The following NUDT9 variants were observed in gnomAD, a reference collection of about 807,000 sequenced individuals.
NUDT9 encodes the protein nudix hydrolase 9, also known as ADP-ribose pyrophosphatase.
Under a neutral mutation model 41.0 loss-of-function variants are expected in NUDT9, and 31 were observed. The ratio of observed to expected loss-of-function variants is 0.76; its 90% CI spans 0.57 to 1.02. NUDT9 has a LOEUF of 1.02. Among genes scored for constraint, NUDT9 ranks in the 50% least tolerant of loss-of-function variants. The pLI is 0.00. For missense variants in NUDT9, 380 were observed against 431.4 expected, an observed-to-expected ratio of 0.88 and a Z score of 1.06; for synonymous variants, 146 against 147.6, an observed-to-expected ratio of 0.99 and a Z score of 0.08.
At chr4:87,430,843 A>G (rs1302341445) in intron 1 of NUDT9, among the ~76,000 whole-genome samples, 3 of 152,140 alleles carry the variant, frequency 2.0e-5, no homozygotes, top group Non-Finnish European at 2.9e-5. Context: ...ACCCCTTATC[A>G]GACATGTGAT....
rs755137749 is a variant in NUDT9, at chr4:87,457,832, T to G, written c.875-11T>G. The G allele has an allele frequency of 6.2e-7, 1 of 1,605,668 alleles. No homozygotes were observed. Among genetic ancestry groups the G allele is most frequent in the South Asian group, 1.1e-5 (1 of 89,272 alleles). On this transcript the variant is annotated splice_polypyrimidine_tract_variant and intron_variant, in intron 7 of 7. Transcript: ENST00000302174. ...AGTTTTTCTTGGTGATGGTTTTTCTTTGGCAACCAGGTGAGATAATGGATA... is the reference window on the plus strand; with the variant it reads ...AGTTTTTCTTGGTGATGGTTTTTCTGTGGCAACCAGGTGAGATAATGGATA...
intron 1 of NUDT9, 101 bp from the exon 2 acceptor site, chr4:87,434,880 A>G (rs902255793): frequency 3.9e-6 from 4 of 1,020,748 alleles, no homozygotes; most frequent in African/African-American, 3.2e-5. Flanking sequence ...CGGCCTCACA[A>G]AGTGCTGGGA....
intron 4 of NUDT9, 89 bp downstream of exon 4, chr4:87,442,004 C>T: frequency 3.6e-6 from 3 of 825,020 alleles, no homozygotes; most frequent in South Asian, 3.6e-5. Flanking sequence ...TATATGTATA[C>T]CTGTGTGTAT....
chr4:87,440,585 C>T (rs985169123), intron 3 of NUDT9, among the ~76,000 whole-genome samples: 2 of 152,134 alleles, frequency 1.3e-5, no homozygotes, highest in Admixed American at 6.5e-5. Context: ...TGGTGGCTCA[C>T]GCCTGTAATC....
In NUDT9 at chr4:87,431,882, C is replaced by T. The variant is rs145283532; in HGVS notation, c.108-3099C>T. On this transcript the variant is annotated intron_variant, in intron 1 of 7. Transcript: ENST00000302174. ...TGTATTTTTAGTAGAGACAGGGTTTCGCCATGTTGGCCGGGCTGGTCTTGA... is the reference window on the plus strand; with the variant it reads ...TGTATTTTTAGTAGAGACAGGGTTTTGCCATGTTGGCCGGGCTGGTCTTGA... Among the ~76,000 whole-genome samples, 145 of 152,222 alleles carry T rather than the reference C, an allele frequency of 9.5e-4. 1 individual carries two copies. In the East Asian group the frequency reaches 0.022, roughly 24 times the overall value.
intron 5 of NUDT9, among the ~76,000 whole-genome samples, chr4:87,449,572 A>G (rs1211299368): frequency 6.6e-6 from 1 of 152,176 alleles, no homozygotes; most frequent in East Asian, 1.9e-4. Flanking sequence ...TTTAAAATAA[A>G]GAGATCTACT....
chr4:87,456,332 C>T (rs1722989597), intron 7 of NUDT9, among the ~76,000 whole-genome samples: 1 of 152,194 alleles, frequency 6.6e-6, no homozygotes. Context: ...AGCTTCCCTC[C>T]TTCCTCCCCA....
chr4:87,452,598 A>C (rs1191061098), intron 6 of NUDT9, among the ~76,000 whole-genome samples: 2 of 151,344 alleles, frequency 1.3e-5, no homozygotes, highest in African/African-American at 2.4e-5. Flanking sequence ...CCACAGGCAA[A>C]CACCACCGCA....
chr4:87,437,268 A>G (rs1721980884), intron 2 of NUDT9, among the ~76,000 whole-genome samples: 1 of 130,992 alleles, frequency 7.6e-6, no homozygotes, highest in East Asian at 2.2e-4. Context: ...AAAAAAAAAA[A>G]GAAAGAAAGA....
rs202181750 is a variant in NUDT9, at chr4:87,457,942, C to G, written c.974C>G (p.Ser325Cys). ...NDKLKLYASH[S>C]QFIKLVAEKR... ...AAACTGAAGCTTTATGCCAGTCACT[C>G]TCAATTCATCAAACTTGTGGCTGAG... is the stretch of plus-strand genomic sequence containing the variant. Residue 325 changes from serine to cysteine, a missense_variant, in exon 8 of 8, where the codon TCT becomes TGT. Ser to Cys is a moderately radical substitution (Grantham distance 112, BLOSUM62 -1). Coordinates refer to ENST00000302174, the MANE Select transcript of NUDT9 (RefSeq NM_024047.5). 2.3e-5 allele frequency: 37 copies of G among 1,597,392 alleles called. No homozygotes were observed. Among genetic ancestry groups the G allele is most frequent in the Non-Finnish European group, 3.1e-5 (36 of 1,174,798 alleles).
chr4:87,454,498 T>C, intron 7 of NUDT9, 43 bp downstream of exon 7: 2 of 1,248,658 alleles, frequency 1.6e-6, no homozygotes, highest in South Asian at 2.4e-5. Context: ...AAAGGATCAA[T>C]TTAAGCCATT....
chr4:87,424,313 G>T (rs1313619157), intron 1 of NUDT9, among the ~76,000 whole-genome samples: 1 of 146,386 alleles, frequency 6.8e-6, no homozygotes, highest in African/African-American at 2.6e-5. Context: ...AGGCTGGAGC[G>T]CAGTGGCGCG....
At chr4:87,447,318 C>T (rs1434713296) in intron 4 of NUDT9, among the ~76,000 whole-genome samples, 1 of 152,114 alleles carries the variant, frequency 6.6e-6, no homozygotes, top group Non-Finnish European at 1.5e-5. Flanking sequence ...CACTGCTAGA[C>T]TATGAGCTCT....
At chr4:87,442,828 CA>C (rs564042277) in intron 4 of NUDT9, among the ~76,000 whole-genome samples, 69 of 152,290 alleles carry the variant, frequency 4.5e-4, no homozygotes, top group African/African-American at 1.6e-3. Flanking sequence ...GGAAAGTTGT[CA>C]GGGGCAGTAA....
At chr4:87,445,014 A>G (rs1048875733) in intron 4 of NUDT9, among the ~76,000 whole-genome samples, 1 of 152,230 alleles carries the variant, frequency 6.6e-6, no homozygotes, top group Non-Finnish European at 1.5e-5. Context: ...AGAATGAAAG[A>G]TGTTGAAGGA....
intron 3 of NUDT9, among the ~76,000 whole-genome samples, chr4:87,440,935 G>A (rs2110175276): frequency 6.6e-6 from 1 of 152,068 alleles, no homozygotes; most frequent in East Asian, 1.9e-4. Flanking sequence ...AGCTGGGCAG[G>A]TGTCTTGTCT....
chr4:87,428,142 A>G (rs1015808507), intron 1 of NUDT9, among the ~76,000 whole-genome samples: 1 of 152,212 alleles, frequency 6.6e-6, no homozygotes. Context: ...TTTATTAGTT[A>G]GGTTTTCCCT....
At chr4:87,457,743 A>G (rs971342604) in intron 7 of NUDT9, 100 bp from the exon 8 acceptor site, 1 of 1,069,202 alleles carries the variant, frequency 9.4e-7, no homozygotes, top group African/African-American at 1.7e-5. Flanking sequence ...GGCTAGTACA[A>G]TGATGATATA....
chr4:87,441,790 A>G, intron 3 of NUDT9, 39 bp from the exon 4 acceptor site: 1 of 1,494,070 alleles, frequency 6.7e-7, no homozygotes, highest in Non-Finnish European at 9.3e-7. Context: ...AAAAAGATGA[A>G]CACATTCAAT....
Sources: allele counts gnomAD v4.1 joint callset (sites outside exome capture counted in the v4.1 genomes callset), GRCh38; gene constraint gnomAD v4.1.1; transcripts MANE v1.5; gene names NCBI Gene and HGNC (gene_info 2026-07-23, HGNC 2026-07-21).